MAP1LC3A: variants seen among roughly 807,000 people sequenced by gnomAD.
MAP1LC3A encodes microtubule associated protein 1 light chain 3 alpha, also known as microtubule-associated protein 1 light chain 3 alpha.
MAP1LC3A carries 10 observed loss-of-function variants against 15.2 expected under a neutral mutation model. That is an observed-to-expected ratio of 0.66 (90% CI 0.41 to 1.12). The LOEUF (loss-of-function observed/expected upper bound fraction) is 1.12, where lower values mean the gene tolerates loss of function less well. Ranked by LOEUF, MAP1LC3A falls within the 50% of genes most tolerant of loss-of-function variation. The pLI is 0.00. For missense variants in MAP1LC3A, 138 were observed against 167.3 expected (o/e 0.82, Z 0.97); for synonymous variants, 63 against 64.3 (o/e 0.98, Z 0.10).
chr20:34,558,958 A>C lies in MAP1LC3A; in HGVS notation c.40+50A>C. ...AGCTCTGGGGCAGGGGTGCCGGCCG[A>C]CCCCGACTGCCGCAGGTGACGTCAG... On this transcript the variant is annotated intron_variant, in intron 1 of 3. Coordinates refer to ENST00000360668, the MANE Select transcript of MAP1LC3A (RefSeq NM_032514.4). This position sits in a 1 kb window ranked among gnomAD's most constrained non-coding sequence, Gnocchi z 4.3. 7.4e-7 allele frequency: 1 copy of C among 1,346,156 alleles called. No individual in the cohort carries two copies. The allele number at this position is 1,346,156 out of a possible 1,614,324, so 83.4% of individuals were successfully genotyped here.
chr20:34,558,131 G>C, upstream of MAP1LC3A: 2 of 985,294 alleles, frequency 2.0e-6, no homozygotes, highest in Non-Finnish European at 2.4e-6. This position sits in a 1 kb window ranked among gnomAD's most constrained non-coding sequence, Gnocchi z 4.3. Flanking sequence ...TGTCTCTCTG[G>C]TGAGCTGCTT....
intron 2 of MAP1LC3A, 23 bp downstream of exon 2, chr20:34,559,286 T>TGCCCC (rs1982318690): frequency 1.0e-5 from 14 of 1,336,236 alleles, no homozygotes; most frequent in Middle Eastern, 2.5e-4. Context: ...CCCCCAGCCC[T>TGCCCC]GCCCCGCCCC....
In MAP1LC3A at chr20:34,548,646, C is replaced by T. The variant is rs542293892; in HGVS notation, c.-73-1259C>T. Reference sequence around the variant, plus strand: ...AGGTGGGGCAGTGTGAGCTCGAGGCCGGAGGACCCCTGAGTGGGTCTCAGT... The same window carrying T: ...AGGTGGGGCAGTGTGAGCTCGAGGCTGGAGGACCCCTGAGTGGGTCTCAGT... On this transcript the variant is annotated intron_variant, in intron 1 of 4. Coordinates refer to the MAP1LC3A transcript ENST00000374837. Among the ~76,000 whole-genome samples the T allele has an allele frequency of 2.0e-5, 3 of 151,252 alleles. 1 individual carries two copies. Among genetic ancestry groups the T allele is most frequent in the South Asian group, 4.2e-4 (2 of 4,790 alleles).
At position 34,559,979 on chromosome 20, in the gene MAP1LC3A, A is replaced by G; in HGVS notation, c.*81A>G. 1 of 1,460,116 alleles carries G rather than the reference A, an allele frequency of 6.8e-7. No homozygotes were observed. The highest frequency in any genetic ancestry group is 9.2e-7 in the Non-Finnish European group (1 of 1,083,678). 90.4% of individuals were successfully genotyped at this position (1,460,116 alleles called of 1,614,324 possible). On this transcript the variant is annotated 3_prime_UTR_variant, in exon 4 of 4. Transcript: ENST00000360668. ...CAGAGAGCTCCTGGTTCCTGAACTG[A>G]GCTGCCTCTACCGTGGTGGGCTGGG...
rs1163080624 is a variant in MAP1LC3A, at chr20:34,560,185, T to C, written c.*287T>C. ...TCTTTTTTTTAGGCCCCTGCCTGTC[T>C]GCCCATCTGCCCCTCACCCACCCGA... On this transcript the variant is annotated 3_prime_UTR_variant, in exon 4 of 4. Transcript: ENST00000360668. The C allele has an allele frequency of 3.0e-6, 1 of 335,478 alleles. No homozygotes were observed. Among genetic ancestry groups the C allele is most frequent in the African/African-American group, 2.2e-5 (1 of 46,198 alleles). The allele number at this position is 335,478 out of a possible 1,614,324, so 20.8% of individuals were successfully genotyped here.
chr20:34,547,997 G>C (rs574827875), intron 1 of MAP1LC3A, among the ~76,000 whole-genome samples: 1 of 152,112 alleles, frequency 6.6e-6, no homozygotes, highest in Admixed American at 6.5e-5. Flanking sequence ...GTGCCCTCTA[G>C]GGCAGACGAG....
chr20:34,549,762 T>C (rs1443155847), intron 1 of MAP1LC3A: 1 of 508,700 alleles, frequency 2.0e-6, no homozygotes, highest in Non-Finnish European at 3.6e-6. Flanking sequence ...GCCATGGCAA[T>C]GGTAAACTGC....
At chr20:34,547,721 C>T (rs888005558) in intron 1 of MAP1LC3A, among the ~76,000 whole-genome samples, 1 of 152,138 alleles carries the variant, frequency 6.6e-6, no homozygotes, top group African/African-American at 2.4e-5. Flanking sequence ...TTTCCTGAGG[C>T]CTCCCCAGCC....
At chr20:34,547,676 C>T (rs1401310845) in intron 1 of MAP1LC3A, among the ~76,000 whole-genome samples, 3 of 152,094 alleles carry the variant, frequency 2.0e-5, no homozygotes, top group African/African-American at 4.8e-5. Context: ...GAAGAAGGTG[C>T]CTGCTTCCCC....
At chr20:34,554,936 G>A (rs1982095630), upstream of MAP1LC3A, among the ~76,000 whole-genome samples, 1 of 148,414 alleles carries the variant, frequency 6.7e-6, no homozygotes, top group Admixed American at 6.7e-5. Context: ...TACAACTCCT[G>A]GACTCAAGTG....
At chr20:34,558,530 G>A (rs893724689), upstream of MAP1LC3A, 25 of 1,102,958 alleles carry the variant, frequency 2.3e-5, no homozygotes, top group Middle Eastern at 3.9e-4. The surrounding 1 kb of genome is among the most constrained non-coding windows in gnomAD (Gnocchi z 4.3). Flanking sequence ...TGCGGGAGAA[G>A]CTCCCGCGCT....
intron 1 of MAP1LC3A, 129 bp from the exon 2 acceptor site, chr20:34,559,079 G>T: frequency 7.5e-7 from 1 of 1,342,044 alleles, no homozygotes; most frequent in Non-Finnish European, 9.6e-7. Context: ...GGTGCCAGGG[G>T]CTGTGGGGCC....
intron 1 of MAP1LC3A, chr20:34,549,876 G>A (rs1436749496): frequency 9.5e-6 from 9 of 950,730 alleles, no homozygotes; most frequent in South Asian, 2.8e-5. Flanking sequence ...TCCTGCCTCC[G>A]TGCTGATTGC....
At chr20:34,548,509 C>T (rs868243371) in intron 1 of MAP1LC3A, among the ~76,000 whole-genome samples, 6 of 152,056 alleles carry the variant, frequency 3.9e-5, no homozygotes, top group Non-Finnish European at 7.4e-5. Flanking sequence ...GACAGATATG[C>T]GGGTGAGGCC....
chr20:34,548,472 CT>C (rs1981822000), intron 1 of MAP1LC3A, among the ~76,000 whole-genome samples: 1 of 147,274 alleles, frequency 6.8e-6, no homozygotes, highest in African/African-American at 2.5e-5. Context: ...CTGGAGAGGC[CT>C]GAGCACGCCC....
chr20:34,554,673 GTT>G (rs1328510081), upstream of MAP1LC3A, among the ~76,000 whole-genome samples: 1 of 143,932 alleles, frequency 6.9e-6, no homozygotes, highest in Admixed American at 6.9e-5. Flanking sequence ...CGCCCGGCCT[GTT>G]TTTGTTTTTT....
At chr20:34,559,321 C>T (rs200318410) in intron 2 of MAP1LC3A, 26 bp from the exon 3 acceptor site, 1 of 1,577,082 alleles carries the variant, frequency 6.3e-7, no homozygotes. Context: ...CCGACACGAC[C>T]CCCTGCCCGC....
upstream of MAP1LC3A, among the ~76,000 whole-genome samples, chr20:34,554,239 G>A (rs1192048582): frequency 2.6e-5 from 4 of 151,236 alleles, no homozygotes; most frequent in Non-Finnish European, 4.4e-5. Flanking sequence ...CTGGACCCCT[G>A]TACAATACTG....
chr20:34,553,057 CG>C (rs1568610919), intron 2 of MAP1LC3A, among the ~76,000 whole-genome samples: 1 of 152,012 alleles, frequency 6.6e-6, no homozygotes, highest in Non-Finnish European at 1.5e-5. Flanking sequence ...GGCATGGTGA[CG>C]GGTGCCTGTA....
Sources: gnomAD v4.1 joint callset for allele counts (sites outside exome capture counted in the v4.1 genomes callset) on GRCh38, gnomAD v4.1.1 for gene constraint, Gnocchi (gnomAD v3.1) non-coding constraint, MANE v1.5 for transcripts, NCBI Gene and HGNC (gene_info 2026-07-23, HGNC 2026-07-21) for gene names.